The following RGS6 variants were observed in gnomAD, a reference collection of about 807,000 sequenced individuals.
The protein encoded by RGS6 is regulator of G-protein signaling 6.
In RGS6, 30 loss-of-function variants were observed where a neutral mutation model predicts 78.5. The ratio of observed to expected loss-of-function variants is 0.38; its 90% CI spans 0.29 to 0.52. The LOEUF is 0.52. Among genes scored for constraint, RGS6 ranks in the 20% least tolerant of loss-of-function variants. The pLI, the probability that RGS6 is intolerant of heterozygous loss-of-function variation, is 0.85. For synonymous variants in RGS6, 206 were observed against 206.0 expected, an observed-to-expected ratio of 1.00 and a Z score of 0.00; for missense variants, 495 against 609.7, an observed-to-expected ratio of 0.81 and a Z score of 1.98.
intron 2 of RGS6, among the ~76,000 whole-genome samples, chr14:72,250,707 A>G (rs2055529899): frequency 6.6e-6 from 1 of 152,210 alleles, no homozygotes; most frequent in African/African-American, 2.4e-5. Flanking sequence ...TAAAATTTTG[A>G]CAAGGTGATT....
At chr14:72,300,933 G>A (rs1272420331) in intron 2 of RGS6, among the ~76,000 whole-genome samples, 1 of 152,236 alleles carries the variant, frequency 6.6e-6, no homozygotes, top group South Asian at 2.1e-4. Flanking sequence ...AAATGAGGCA[G>A]TGTGGCCATG....
chr14:72,315,216 T>C (rs1434033668), intron 2 of RGS6, among the ~76,000 whole-genome samples: 2 of 152,230 alleles, frequency 1.3e-5, no homozygotes, highest in Non-Finnish European at 2.9e-5. Flanking sequence ...CACATGCAGT[T>C]ACCATGGCAG....
At chr14:72,265,024 A>G (rs999582913) in intron 2 of RGS6, among the ~76,000 whole-genome samples, 1 of 152,210 alleles carries the variant, frequency 6.6e-6, no homozygotes, top group Non-Finnish European at 1.5e-5. Flanking sequence ...TGGTAAATCC[A>G]AATGATCACA....
chr14:72,162,199 A>G (rs183243814), intron 2 of RGS6, among the ~76,000 whole-genome samples: 5 of 151,684 alleles, frequency 3.3e-5, no homozygotes, highest in South Asian at 4.2e-4. Context: ...AAAAAAAACT[A>G]TATGAGGAAA....
At chr14:71,919,240 T>C in the RGS6 span, among the ~76,000 whole-genome samples, 1 of 152,164 alleles carries the variant, frequency 6.6e-6, no homozygotes, top group African/African-American at 2.4e-5. Context: ...GTGCATAGTT[T>C]TCCACAGTAA....
chr14:72,402,793 T>G (rs188061024), intron 3 of RGS6, among the ~76,000 whole-genome samples: 4,897 of 133,500 alleles, frequency 0.037, 122 homozygotes, highest in Middle Eastern at 0.056. Flanking sequence ...TTTTTTGGTT[T>G]TTTTTTTTTT....
chr14:71,997,454 T>G (rs1174324781), intron 2 of RGS6, among the ~76,000 whole-genome samples: 1 of 152,166 alleles, frequency 6.6e-6, no homozygotes. Flanking sequence ...ATAGATAAAA[T>G]TAAGAAGGCC....
the RGS6 span, among the ~76,000 whole-genome samples, chr14:72,609,287 T>C: frequency 6.6e-6 from 1 of 152,026 alleles, no homozygotes; most frequent in African/African-American, 2.4e-5. Flanking sequence ...CAGAACCCCA[T>C]CAGGACAGGA....
chr14:72,051,228 G>A (rs2093218872), intron 2 of RGS6, among the ~76,000 whole-genome samples: 1 of 152,040 alleles, frequency 6.6e-6, no homozygotes, highest in Non-Finnish European at 1.5e-5. Flanking sequence ...GGTACTATTT[G>A]GACAATAAAT....
At chr14:72,620,874 C>T in the RGS6 span, among the ~76,000 whole-genome samples, 9 of 152,210 alleles carry the variant, frequency 5.9e-5, no homozygotes, top group South Asian at 2.1e-4. Context: ...GGCGCTGTGG[C>T]GCATGCCTGT....
the RGS6 span, among the ~76,000 whole-genome samples, chr14:71,905,823 T>C: frequency 6.6e-6 from 1 of 152,198 alleles, no homozygotes; most frequent in African/African-American, 2.4e-5. Context: ...GGCTTGAAGC[T>C]GCCTACCCCT....
At chr14:72,296,517 A>G (rs1005383971) in intron 2 of RGS6, among the ~76,000 whole-genome samples, 1 of 152,100 alleles carries the variant, frequency 6.6e-6, no homozygotes, top group African/African-American at 2.4e-5. Flanking sequence ...TTAAAATTTC[A>G]GCTATTCTAT....
chr14:72,495,100 G>C, intron 12 of RGS6, 52 bp from the exon 13 acceptor site: 1 of 1,029,070 alleles, frequency 9.7e-7, no homozygotes, highest in Non-Finnish European at 1.5e-6. Flanking sequence ...ACAGAATAAA[G>C]GGGTTTTCTA....
At chr14:71,961,812 A>T (rs946526868) in intron 1 of RGS6, among the ~76,000 whole-genome samples, 1 of 152,176 alleles carries the variant, frequency 6.6e-6, no homozygotes. Context: ...GTGTGTATAT[A>T]TATGTATATA....
At chr14:72,598,931 C>T in the RGS6 span, among the ~76,000 whole-genome samples, 6 of 152,146 alleles carry the variant, frequency 3.9e-5, no homozygotes, top group African/African-American at 1.4e-4. Flanking sequence ...GGAGACCCGG[C>T]GCAGCCACAG....
chr14:72,327,778 T>C (rs1274927909), intron 2 of RGS6, among the ~76,000 whole-genome samples: 2 of 152,248 alleles, frequency 1.3e-5, no homozygotes, highest in Admixed American at 1.3e-4. Context: ...AGATGTTTTA[T>C]GACTTCTGCA....
At chr14:72,370,241 A>G (rs1187861240) in intron 3 of RGS6, among the ~76,000 whole-genome samples, 4 of 152,172 alleles carry the variant, frequency 2.6e-5, no homozygotes, top group Admixed American at 2.6e-4. Context: ...ATAAACATCC[A>G]TAGATATGAT....
intron 2 of RGS6, among the ~76,000 whole-genome samples, chr14:72,312,385 T>G (rs1391088316): frequency 6.6e-6 from 1 of 152,216 alleles, no homozygotes. Flanking sequence ...AAGAGAGCTA[T>G]GAAGTGGCTA....
chr14:72,333,816 A>C (rs921017727), intron 2 of RGS6, among the ~76,000 whole-genome samples: 2 of 151,990 alleles, frequency 1.3e-5, no homozygotes, highest in Non-Finnish European at 2.9e-5. Context: ...GAGCTAGCAC[A>C]ATCTAGATGC....
Sources: allele counts gnomAD v4.1 joint callset (sites outside exome capture counted in the v4.1 genomes callset), GRCh38; gene constraint gnomAD v4.1.1; transcripts MANE v1.5; gene names NCBI Gene and HGNC (gene_info 2026-07-23, HGNC 2026-07-21).